Variants in TAOK2 observed in about 807,000 individuals in gnomAD.
The protein encoded by TAOK2 is serine/threonine-protein kinase TAO2.
TAOK2 carries 42 observed loss-of-function variants against 122.5 expected under a neutral mutation model. The observed-to-expected ratio is 0.34, with a 90% confidence interval of 0.27 to 0.44. The LOEUF (loss-of-function observed/expected upper bound fraction) is 0.44. TAOK2 is among the 20% of genes least tolerant of loss of function. The probability of loss-of-function intolerance (pLI) is 1.00; values close to 1 mark genes in which losing one functional copy is unlikely to be tolerated. For synonymous variants in TAOK2, 704 were observed against 677.6 expected, an observed-to-expected ratio of 1.04 and a Z score of -0.61; for missense variants, 1,264 against 1,644.9, an observed-to-expected ratio of 0.77 and a Z score of 4.01.
rs750234872 is a variant in TAOK2, at chr16:29,985,808, A to G, written c.1939A>G (p.Lys647Glu). 2 of 1,611,942 alleles carry G rather than the reference A, an allele frequency of 1.2e-6. No homozygotes were observed. The highest frequency in any genetic ancestry group is 1.7e-5 in the Admixed American group (1 of 60,004). The change falls in exon 15 of 16, where the codon AAG becomes GAG. Residue 647 changes from lysine (K) to glutamate (E), a missense_variant. This residue lies in a region of TAOK2 where 824 missense variants were observed against 908.7 expected (regional missense o/e 0.91). Transcript: ENST00000308893. The surrounding 1 kb of genome is among the most constrained non-coding windows in gnomAD (Gnocchi z 6.9). ...QYFELQCRQYKRKMLLARHSL... is the reference protein window; with the variant it reads ...QYFELQCRQYERKMLLARHSL... ...CTTTGAGCTGCAGTGTCGCCAGTAC[A>G]AGCGCAAGATGTTGCTGGCTCGGCA...
Position 29,981,843 on chromosome 16 carries a change from C to A in TAOK2, c.750-16C>A. On this transcript the variant is annotated splice_polypyrimidine_tract_variant and intron_variant, in intron 9 of 15. Coordinates refer to ENST00000308893, the MANE Select transcript of TAOK2 (RefSeq NM_016151.4). ...ATGCCTTCCCCACCCCTCTCCCACC[C>A]TCCTGTGACTTTCAGGTCTGAGTAC... is the stretch of plus-strand genomic sequence containing the variant. 6.2e-7 allele frequency: 1 copy of A among 1,612,926 alleles called. No homozygotes were observed. The highest frequency in any genetic ancestry group is 8.5e-7 in the Non-Finnish European group (1 of 1,178,920).
chr16:29,987,178 T>C lies in TAOK2; in HGVS notation c.2906T>C (p.Leu969Pro). The change falls in exon 16 of 16, where the codon CTG (leucine) becomes CCG (proline). Residue 969 changes from leucine to proline, a missense_variant. This residue lies in a region of TAOK2 where 824 missense variants were observed against 908.7 expected (regional missense o/e 0.91). Transcript: ENST00000308893. ...TCCTCCTCTGGCCTCCTGCCCCTCC[T>C]GCTGCTGCTGCTGCTTCCATTGCTG... ...VGSSSGLLPL[L>P]LLLLLPLLAA... 6.5e-7 allele frequency: 1 copy of C among 1,540,494 alleles called. No individual in the cohort carries two copies. Among genetic ancestry groups the C allele is most frequent in the South Asian group, 1.3e-5 (1 of 78,420 alleles).
At chr16:29,989,988 C>T (rs2069929470), downstream of TAOK2, 2 of 627,534 alleles carry the variant, frequency 3.2e-6, no homozygotes, top group African/African-American at 1.8e-5. Context: ...TGGTTTTATT[C>T]TTTCTCTTAG....
At chr16:29,989,295 C>T (rs1361464002), downstream of TAOK2, 47 of 985,230 alleles carry the variant, frequency 4.8e-5, 1 homozygote, top group East Asian at 1.1e-4. Context: ...CACCCAACTC[C>T]GTGCACGTGC....
At chr16:29,990,588 G>A (rs1480562053), downstream of TAOK2, 5 of 467,756 alleles carry the variant, frequency 1.1e-5, no homozygotes, top group Non-Finnish European at 1.8e-5. Context: ...TGAACACCTC[G>A]AGCACATGTG....
intron 1 of TAOK2, among the ~76,000 whole-genome samples, chr16:29,977,257 G>A (rs189960790): frequency 3.9e-5 from 6 of 152,250 alleles, no homozygotes; most frequent in Non-Finnish European, 8.8e-5. Flanking sequence ...CACCGCCTCC[G>A]GCCTGGCCAT....
At position 29,978,962 on chromosome 16, in the gene TAOK2, C is replaced by G; in HGVS notation, c.353-12C>G. The G allele has an allele frequency of 6.2e-7, 1 of 1,614,118 alleles. No homozygotes were observed. The highest frequency in any genetic ancestry group is 8.5e-7 in the Non-Finnish European group (1 of 1,179,990). On this transcript the variant is annotated splice_polypyrimidine_tract_variant and intron_variant, in intron 5 of 15. Coordinates refer to ENST00000308893, the MANE Select transcript of TAOK2 (RefSeq NM_016151.4). ...GCGCTCCCTCGGGTTGATGTTCTTC[C>G]TCACTCTCCAGTGCACAAGAAACCC... is the stretch of plus-strand genomic sequence containing the variant.
chr16:29,978,018 G>A, intron 2 of TAOK2, 71 bp from the exon 3 acceptor site: 1 of 1,612,120 alleles, frequency 6.2e-7, no homozygotes, highest in East Asian at 2.2e-5. Flanking sequence ...GCCTTCTCTT[G>A]CTGGGCCAGC....
chr16:29,989,819 T>A, downstream of TAOK2: 1 of 1,611,740 alleles, frequency 6.2e-7, no homozygotes, highest in Non-Finnish European at 8.5e-7. Flanking sequence ...AGGCCTGGGG[T>A]CCAGGGAGGG....
downstream of TAOK2, chr16:29,989,303 T>G (rs2069909236): frequency 1.0e-6 from 1 of 985,192 alleles, no homozygotes; most frequent in Non-Finnish European, 1.2e-6. Context: ...TCCGTGCACG[T>G]GCTCTTGGAA....
chr16:29,989,431 A>C, downstream of TAOK2: 1 of 975,454 alleles, frequency 1.0e-6, no homozygotes, highest in Admixed American at 6.7e-5. Context: ...TCTGTCTAAC[A>C]TGTTTTCTGT....
chr16:29,986,590 A>C lies in TAOK2; in HGVS notation c.2318A>C (p.Gln773Pro). The C allele has an allele frequency of 6.2e-7, 1 of 1,613,594 alleles. No individual in the cohort carries two copies. Among genetic ancestry groups the C allele is most frequent in the Non-Finnish European group, 8.5e-7 (1 of 1,179,788 alleles). ...CCCAACACAGGCACCCCTATAGAACAGCAGCCCTGCTCACCTGGCCAGGAG... is the reference window on the plus strand; with the variant it reads ...CCCAACACAGGCACCCCTATAGAACCGCAGCCCTGCTCACCTGGCCAGGAG... ...GPPNTGTPIE[Q>P]QPCSPGQEAV... The change falls in exon 16 of 16, where the codon CAG (glutamine) becomes CCG (proline). Residue 773 changes from glutamine (Q) to proline (P), a missense_variant. This residue lies in a region of TAOK2 where 824 missense variants were observed against 908.7 expected (regional missense o/e 0.91). Transcript: ENST00000308893. The surrounding 1 kb of genome is among the most constrained non-coding windows in gnomAD (Gnocchi z 4.2).
Position 29,988,125 on chromosome 16 carries a change from T to G in TAOK2, c.*145T>G, listed in dbSNP as rs1331966026. ...TACCCCAGGCCCAGCCCTTCGGACC[T>G]CTAGACAGGCAGCCTCCTCAGCTGT... On this transcript the variant is annotated 3_prime_UTR_variant, in exon 16 of 16. Transcript: ENST00000308893. 1 of 1,432,882 alleles carries G rather than the reference T, an allele frequency of 7.0e-7. No individual in the cohort carries two copies. Among genetic ancestry groups the G allele is most frequent in the Non-Finnish European group, 9.1e-7 (1 of 1,098,558 alleles). 88.8% of individuals were successfully genotyped at this position (1,432,882 alleles called of 1,614,324 possible).
downstream of TAOK2, chr16:29,991,141 C>A (rs1281927365): frequency 6.2e-7 from 1 of 1,609,820 alleles, no homozygotes. The surrounding 1 kb of genome is among the most constrained non-coding windows in gnomAD (Gnocchi z 5.6). Flanking sequence ...GCCTTCGATG[C>A]GGAAAGCATG....
rs757467565 is a variant in TAOK2 at position 29,986,221 on chromosome 16, T to C, written c.1993-44T>C. ...CAAGGAGCCCTGGCCTCTCACTTCC[T>C]TGATACTGACCAGGCCCCGGGCCCT... On this transcript the variant is annotated intron_variant, in intron 15 of 15. Coordinates refer to ENST00000308893, the MANE Select transcript of TAOK2 (RefSeq NM_016151.4). The surrounding 1 kb of genome is among the most constrained non-coding windows in gnomAD (Gnocchi z 4.2). The C allele has an allele frequency of 2.0e-6, 3 of 1,507,712 alleles. No individual in the cohort carries two copies. Among genetic ancestry groups the C allele is most frequent in the Non-Finnish European group, 2.7e-6 (3 of 1,130,156 alleles). The allele number at this position is 1,507,712 out of a possible 1,614,324, so 93.4% of individuals were successfully genotyped here. A position where few individuals can be genotyped will look rare whatever the true frequency, so the allele number is the denominator to read the frequency against.
In TAOK2 at chr16:29,986,580, C is replaced by T; in HGVS notation, c.2308C>T (p.Pro770Ser). 6.2e-7 allele frequency: 1 copy of T among 1,613,824 alleles called. No individual in the cohort carries two copies. ...TCTGGGCCCACCCAACACAGGCACC[C>T]CTATAGAACAGCAGCCCTGCTCACC... ...GALGPPNTGT[P>S]IEQQPCSPGQ... The change falls in exon 16 of 16, where the codon CCT (proline) becomes TCT (serine). Residue 770 changes from proline (P) to serine (S), a missense_variant. Around this residue, in one of 4 missense-constraint regions of TAOK2, gnomAD observed 824 missense variants for 908.7 expected, o/e 0.91. Transcript: ENST00000308893. This position sits in a 1 kb window ranked among gnomAD's most constrained non-coding sequence, Gnocchi z 4.2.
downstream of TAOK2, chr16:29,988,476 C>T (rs950202781): frequency 1.6e-5 from 20 of 1,221,500 alleles, no homozygotes; most frequent in Admixed American, 5.8e-4. Flanking sequence ...GACCCTCGGC[C>T]CGGCTCCATG....
chr16:29,988,247 G>A lies in TAOK2; in HGVS notation c.*267G>A. ...GCTCATCCTCACCCTCATTGACTCA[G>A]GCCTGGGGCCAGGGGTGGTGGAGGG... On this transcript the variant is annotated 3_prime_UTR_variant, in exon 16 of 16. Coordinates refer to ENST00000308893, the MANE Select transcript of TAOK2 (RefSeq NM_016151.4). The A allele has an allele frequency of 1.4e-6, 2 of 1,462,220 alleles. No homozygotes were observed. The highest frequency in any genetic ancestry group is 1.8e-6 in the Non-Finnish European group (2 of 1,113,028). 90.6% of individuals were successfully genotyped at this position (1,462,220 alleles called of 1,614,324 possible).
chr16:29,990,667 T>C (rs977371620), downstream of TAOK2: 4 of 982,998 alleles, frequency 4.1e-6, no homozygotes, highest in African/African-American at 6.5e-5. Flanking sequence ...TCTTCCATTC[T>C]GATAGATGTT....
Sources: gnomAD v4.1 joint callset for allele counts (sites outside exome capture counted in the v4.1 genomes callset) on GRCh38, gnomAD v4.1.1 for gene constraint, gnomAD v4.1.1 regional missense constraint, Gnocchi (gnomAD v3.1) non-coding constraint, MANE v1.5 for transcripts, NCBI Gene and HGNC (gene_info 2026-07-23, HGNC 2026-07-21) for gene names.